The following RCN3 variants were observed in gnomAD, a reference collection of about 807,000 sequenced individuals.
The protein encoded by RCN3 is reticulocalbin-3.
RCN3 carries 41 observed loss-of-function variants against 35.9 expected under a neutral mutation model. That is an observed-to-expected ratio of 1.14 (90% CI 0.89 to 1.48). The LOEUF is 1.48. Among genes scored for constraint, RCN3 ranks in the 40% most tolerant of loss-of-function variants. The pLI is 0.00. For synonymous variants in RCN3, 187 were observed against 193.4 expected (o/e 0.97, Z 0.27); for missense variants, 451 against 471.3 (o/e 0.96, Z 0.40).
chr19:49,540,777 G>T (rs1030228903), intron 5 of RCN3, among the ~76,000 whole-genome samples: 2 of 151,632 alleles, frequency 1.3e-5, no homozygotes, highest in African/African-American at 2.4e-5. Context: ...GCGGCCTCTG[G>T]AGATACTTCT....
Position 49,534,194 on chromosome 19 carries a change from C to CGGATCGTGGACCGCAT in RCN3, c.248_263dup (p.Ala90GlyfsTer66). 1 of 1,490,034 alleles carries CGGATCGTGGACCGCAT rather than the reference C, an allele frequency of 6.7e-7. No homozygotes were observed. 92.3% of individuals were successfully genotyped at this position (1,490,034 alleles called of 1,614,324 possible). The stretch of plus-strand genomic sequence containing the variant: ...ACGTGTGCCCGCCCCGGCTTCTAGG[C>CGGATCGTGGACCGCAT]GGATCGTGGACCGCATGGACCGCGC... On this transcript the variant is annotated frameshift_variant and splice_region_variant, in exon 3 of 7. Transcript: ENST00000270645. LOFTEE classifies it high-confidence loss of function.
chr19:49,529,453 AG>A (rs770547027), intron 2 of RCN3, among the ~76,000 whole-genome samples: 2 of 152,130 alleles, frequency 1.3e-5, no homozygotes, highest in African/African-American at 4.8e-5. Flanking sequence ...GCCTGAGCGC[AG>A]GGGGGCGCGA....
In RCN3 at chr19:49,538,002, T is replaced by C. The variant is rs575659526; in HGVS notation, c.618+797T>C. Among the ~76,000 whole-genome samples the C allele has an allele frequency of 2.0e-5, 3 of 150,864 alleles. 1 individual carries two copies. Among genetic ancestry groups the C allele is most frequent in the African/African-American group, 7.3e-5 (3 of 41,104 alleles). ...TTCTTTCCTTCCTCTTTTTTTTTTT[T>C]AGTTTTTGAGACAGGGCCTAACTCT... On this transcript the variant is annotated intron_variant, in intron 4 of 6. Coordinates refer to ENST00000270645, the MANE Select transcript of RCN3 (RefSeq NM_020650.3).
intron 3 of RCN3, among the ~76,000 whole-genome samples, chr19:49,536,595 C>T (rs959936191): frequency 1.3e-5 from 2 of 151,090 alleles, no homozygotes; most frequent in African/African-American, 4.9e-5. Context: ...GCCACTGTGC[C>T]AGGCTTCTAA....
At chr19:49,534,078 C>G in intron 2 of RCN3, 115 bp from the exon 3 acceptor site, 2 of 1,087,068 alleles carry the variant, frequency 1.8e-6, no homozygotes, top group Non-Finnish European at 2.5e-6. Flanking sequence ...AGCCCGCGGA[C>G]CGTGGACTGT....
At chr19:49,542,463 T>G in intron 5 of RCN3, 90 bp from the exon 6 acceptor site, 1 of 912,602 alleles carries the variant, frequency 1.1e-6, no homozygotes, top group African/African-American at 1.7e-5. Context: ...AAGGGCCTGG[T>G]TCAGGAAGTA....
Position 49,543,251 on chromosome 19 carries a change from A to G in RCN3, c.*38A>G, listed in dbSNP as rs745480457. 4.6e-6 allele frequency: 7 copies of G among 1,538,058 alleles called. No individual in the cohort carries two copies. Among genetic ancestry groups the G allele is most frequent in the South Asian group, 3.4e-5 (3 of 88,524 alleles). The stretch of plus-strand genomic sequence containing the variant: ...TGCCACAGCCTCAGAGGCCCGCACA[A>G]TGACCGGAGGAGGGGCCGCTGTGGT... On this transcript the variant is annotated 3_prime_UTR_variant, in exon 7 of 7. Coordinates refer to ENST00000270645, the MANE Select transcript of RCN3 (RefSeq NM_020650.3).
chr19:49,528,522 G>T lies in RCN3; in HGVS notation c.50G>T (p.Gly17Val). The change falls in exon 2 of 7, where the codon GGG (glycine) becomes GTG (valine). Residue 17 changes from glycine (G) to valine (V), a missense_variant. By Grantham distance (109) the Gly-to-Val change is moderately radical (BLOSUM62 -3). Coordinates refer to ENST00000270645, the MANE Select transcript of RCN3 (RefSeq NM_020650.3). ...CTGCTTCTGTTGCTACTGAGGCACG[G>T]GGCCCAGGGGAAGCCATCCCCAGAC... Reference protein sequence around the residue: ...VLLLLLLLRHGAQGKPSPDAG... With the variant: ...VLLLLLLLRHVAQGKPSPDAG... 1 of 1,553,670 alleles carries T rather than the reference G, an allele frequency of 6.4e-7. No individual in the cohort carries two copies. The highest frequency in any genetic ancestry group is 8.7e-7 in the Non-Finnish European group (1 of 1,151,382).
intron 2 of RCN3, 69 bp from the exon 3 acceptor site, chr19:49,534,124 G>T: frequency 7.3e-7 from 1 of 1,362,436 alleles, no homozygotes; most frequent in Non-Finnish European, 9.6e-7. Context: ...CCCAGGGGGC[G>T]TGGCCCGTGC....
intron 5 of RCN3, 115 bp downstream of exon 5, chr19:49,539,294 A>C: frequency 1.3e-6 from 1 of 769,774 alleles, no homozygotes. Flanking sequence ...GCCCTCAGAC[A>C]TGGGGGCAGG....
rs749043450 is a variant in RCN3, at chr19:49,534,391, G to T, written c.441G>T (p.Ala147=). The T allele has an allele frequency of 4.6e-5, 70 of 1,537,754 alleles. No individual in the cohort carries two copies. The highest frequency in any genetic ancestry group is 2.4e-4 in the Admixed American group (12 of 50,510). Residue 147 remains alanine (A), a synonymous_variant, in exon 3 of 7, where the codon GCG becomes GCT. Transcript: ENST00000270645. The stretch of plus-strand genomic sequence containing the variant: ...GCAACGCCACCTATGGCCACTACGC[G>T]CCCGGTACGCGGCGAGCCCCCGACC... The part of the protein sequence containing the change: ...ELRNATYGHY[A]PGEEFHDVED...
At chr19:49,533,336 G>T (rs1037120903) in intron 2 of RCN3, among the ~76,000 whole-genome samples, 1 of 152,186 alleles carries the variant, frequency 6.6e-6, no homozygotes, top group East Asian at 1.9e-4. Context: ...TAGGGAGGGG[G>T]CCGCGGGGGC....
rs1436110522 is a variant in RCN3 at position 49,543,493 on chromosome 19, AAG to A, written c.*282_*283del. ...GACCCTTGGCCCCAAGCTCAGCTCT[AAG>A]AACCGCCCCAACCCCTCCAGCTCCA... On this transcript the variant is annotated 3_prime_UTR_variant, in exon 7 of 7. Transcript: ENST00000270645. The A allele has an allele frequency of 1.7e-5, 8 of 467,304 alleles. No individual in the cohort carries two copies. The East Asian group carries it at 2.3e-4, about 14-fold the overall frequency. The allele number at this position is 467,304 out of a possible 1,614,324, so 28.9% of individuals were successfully genotyped here.
intron 2 of RCN3, among the ~76,000 whole-genome samples, chr19:49,529,793 G>A (rs1601206090): frequency 6.6e-6 from 1 of 152,136 alleles, no homozygotes; most frequent in East Asian, 1.9e-4. Context: ...GTCTCGCTCT[G>A]TCACCCAGGC....
Position 49,539,088 on chromosome 19 carries a change from C to A in RCN3, c.619-31C>A, listed in dbSNP as rs201523290. On this transcript the variant is annotated intron_variant, in intron 4 of 6. Coordinates refer to ENST00000270645, the MANE Select transcript of RCN3 (RefSeq NM_020650.3). ...CTCCCCCAGGAGCCAGGGTCATCGG[C>A]CCCCAGCCTCAATGCCCCTTTCTCC... 10 of 1,545,528 alleles carry A rather than the reference C, an allele frequency of 6.5e-6. No homozygotes were observed. The East Asian group carries it at 1.6e-4, about 25-fold the overall frequency.
In RCN3 at chr19:49,534,415, C is replaced by T; in HGVS notation, c.445+20C>T. 6.5e-7 allele frequency: 1 copy of T among 1,536,326 alleles called. No homozygotes were observed. Among genetic ancestry groups the T allele is most frequent in the Non-Finnish European group, 8.7e-7 (1 of 1,144,948 alleles). On this transcript the variant is annotated intron_variant, in intron 3 of 6. Transcript: ENST00000270645. ...CGCCCGGTACGCGGCGAGCCCCCGACCCTGCTCCCCATACACCGTGACCCT... is the reference window on the plus strand; with the variant it reads ...CGCCCGGTACGCGGCGAGCCCCCGATCCTGCTCCCCATACACCGTGACCCT...
At position 49,543,308 on chromosome 19, in the gene RCN3, G is replaced by T; in HGVS notation, c.*95G>T. On this transcript the variant is annotated 3_prime_UTR_variant, in exon 7 of 7. Coordinates refer to ENST00000270645, the MANE Select transcript of RCN3 (RefSeq NM_020650.3). ...CCCTCCCTGTCCAGGCCCCGCAGGA[G>T]GCAGATGCAGTCCCAGGCATCCTCC... 1.0e-6 allele frequency: 1 copy of T among 997,752 alleles called. No individual in the cohort carries two copies. Among genetic ancestry groups the T allele is most frequent in the East Asian group, 2.6e-5 (1 of 38,476 alleles). The allele number at this position is 997,752 out of a possible 1,614,324, so 61.8% of individuals were successfully genotyped here. A position where few individuals can be genotyped will look rare whatever the true frequency, so the allele number is the denominator to read the frequency against.
intron 5 of RCN3, among the ~76,000 whole-genome samples, chr19:49,542,336 A>G (rs954046635): frequency 3.9e-5 from 6 of 152,222 alleles, no homozygotes; most frequent in Non-Finnish European, 5.9e-5. Flanking sequence ...CATGCAATCA[A>G]CCAATCAAAT....
intron 2 of RCN3, among the ~76,000 whole-genome samples, chr19:49,529,569 C>A (rs772419600): frequency 6.6e-6 from 1 of 152,208 alleles, no homozygotes; most frequent in Non-Finnish European, 1.5e-5. Context: ...GTGCTGAAGT[C>A]ACAACAGCTA....
Sources: gnomAD v4.1 joint callset for allele counts (sites outside exome capture counted in the v4.1 genomes callset) on GRCh38, gnomAD v4.1.1 for gene constraint, MANE v1.5 for transcripts, NCBI Gene and HGNC (gene_info 2026-07-23, HGNC 2026-07-21) for gene names.